Variants in EIF3F observed in about 807,000 individuals in gnomAD.
EIF3F encodes the protein eukaryotic translation initiation factor 3 subunit F, also known as deubiquitinating enzyme eIF3f.
A neutral mutation model predicts 36.0 loss-of-function variants in EIF3F; 8 were observed. That is an observed-to-expected ratio of 0.22 (90% CI 0.13 to 0.40). The LOEUF is 0.40. EIF3F is among the 10% of genes least tolerant of loss of function. EIF3F has a pLI of 1.00. For synonymous variants in EIF3F, 184 were observed against 188.5 expected (o/e 0.98, Z 0.19); for missense variants, 430 against 467.6 (o/e 0.92, Z 0.74).
In EIF3F at chr11:7,993,424, T is replaced by TA. The variant is rs1942121814; in HGVS notation, c.653+401dup. Among the ~76,000 whole-genome samples the TA allele has an allele frequency of 2.0e-5, 3 of 152,314 alleles. No individual in the cohort carries two copies. The South Asian group carries it at 6.2e-4, about 32-fold the overall frequency. On this transcript the variant is annotated intron_variant, in intron 4 of 7. Coordinates refer to ENST00000651655, the MANE Select transcript of EIF3F (RefSeq NM_003754.3). ...GAACTCAGCACAGCGCTCAGGGTAA[T>TA]ACAGATTATAAGGATGACTGTCCTT...
intron 7 of EIF3F, 52 bp downstream of exon 7, chr11:7,995,419 C>A: frequency 1.5e-6 from 2 of 1,379,298 alleles, no homozygotes; most frequent in Non-Finnish European, 2.1e-6. Context: ...CCCACCTCAG[C>A]ACATACACTC....
chr11:7,993,863 A>G (rs999408831), intron 4 of EIF3F, among the ~76,000 whole-genome samples: 1 of 151,716 alleles, frequency 6.6e-6, no homozygotes, highest in Non-Finnish European at 1.5e-5. Flanking sequence ...CAGTATATAC[A>G]ATATATATAT....
rs889992992 is a variant in EIF3F at position 7,998,640 on chromosome 11, G to C, written c.*2618G>C. 2.0e-5 allele frequency: 3 copies of C among 152,138 alleles called. No homozygotes were observed. Among genetic ancestry groups the C allele is most frequent in the African/African-American group, 7.2e-5 (3 of 41,434 alleles). The allele number at this position is 152,138 out of a possible 1,614,324, so 9.4% of individuals were successfully genotyped here. On this transcript the variant is annotated 3_prime_UTR_variant, in exon 8 of 8. Transcript: ENST00000651655. ...ATACTGGAGTTAGAAATAAATTTTAGCAAGAGGTAAATTCACACATACGGA... is the reference window on the plus strand; with the variant it reads ...ATACTGGAGTTAGAAATAAATTTTACCAAGAGGTAAATTCACACATACGGA...
chr11:7,991,694 G>T, intron 1 of EIF3F, 87 bp from the exon 2 acceptor site: 1 of 1,267,700 alleles, frequency 7.9e-7, no homozygotes, highest in South Asian at 1.2e-5. Flanking sequence ...TGACATTGAA[G>T]AGATCATCAA....
At position 7,996,318 on chromosome 11, in the gene EIF3F, A is replaced by T. The variant is rs144934973; in HGVS notation, c.*296A>T. The T allele has an allele frequency of 9.8e-5, 26 of 266,224 alleles. 1 individual carries two copies. Among genetic ancestry groups the T allele is most frequent in the Non-Finnish European group, 1.6e-4 (22 of 140,264 alleles). The allele number at this position is 266,224 out of a possible 1,614,324, so 16.5% of individuals were successfully genotyped here. ...TACCAAACTGTTCTTTTGGTTTTCA[A>T]TATGGAAAGGTGTCCATTGGCAAAA... On this transcript the variant is annotated 3_prime_UTR_variant, in exon 8 of 8. Transcript: ENST00000651655.
At position 7,998,204 on chromosome 11, in the gene EIF3F, T is replaced by C. The variant is rs944257784; in HGVS notation, c.*2182T>C. The C allele has an allele frequency of 6.6e-6, 1 of 152,218 alleles. No individual in the cohort carries two copies. The highest frequency in any genetic ancestry group is 6.5e-5 in the Admixed American group (1 of 15,280). The allele number at this position is 152,218 out of a possible 1,614,324, so 9.4% of individuals were successfully genotyped here. On this transcript the variant is annotated 3_prime_UTR_variant, in exon 8 of 8. Transcript: ENST00000651655. ...CATTATTCCCAAGGGAAATACAGGG[T>C]TGGGTTCCTATGAACCTCTGGGCAC...
chr11:8,001,491 C>T lies in EIF3F; in HGVS notation c.*5469C>T, dbSNP rs545327233. 2.0e-5 allele frequency: 3 copies of T among 152,114 alleles called. No individual in the cohort carries two copies. The highest frequency in any genetic ancestry group is 2.0e-4 in the Admixed American group (3 of 15,270). 9.4% of individuals were successfully genotyped at this position (152,114 alleles called of 1,614,324 possible). On this transcript the variant is annotated 3_prime_UTR_variant, in exon 8 of 8. Transcript: ENST00000651655. ...TGGTAATCAACCCAAATGACTATTACCAGAATAGAAATTAAACAAAGTATG... is the reference window on the plus strand; with the variant it reads ...TGGTAATCAACCCAAATGACTATTATCAGAATAGAAATTAAACAAAGTATG...
Position 7,993,037 on chromosome 11 carries a change from T to G in EIF3F, c.653+13T>G. On this transcript the variant is annotated intron_variant, in intron 4 of 7. Coordinates refer to ENST00000651655, the MANE Select transcript of EIF3F (RefSeq NM_003754.3). ...AAGCCTACGTCAGGTGACCACAGTC[T>G]TGGGCTACAAGGGCATAAAACCATG... 1 of 1,575,746 alleles carries G rather than the reference T, an allele frequency of 6.3e-7. No homozygotes were observed. Among genetic ancestry groups the G allele is most frequent in the Non-Finnish European group, 8.6e-7 (1 of 1,160,886 alleles).
Position 7,987,403 on chromosome 11 carries a change from A to G in EIF3F, c.51A>G (p.Pro17=). The change falls in exon 1 of 8, where the codon CCA becomes CCG. Residue 17 remains proline, a synonymous_variant. Coordinates refer to ENST00000651655, the MANE Select transcript of EIF3F (RefSeq NM_003754.3). ...PVSAPPATPT[P]VPAAAPASVP... is the part of the protein sequence containing the mutation. ...GTGCTCCTCCGGCCACGCCAACCCC[A>G]GTCCCGGCGGCGGCCCCAGCCTCAG... 2.5e-6 allele frequency: 4 copies of G among 1,600,624 alleles called. No individual in the cohort carries two copies. Among genetic ancestry groups the G allele is most frequent in the Non-Finnish European group, 3.4e-6 (4 of 1,179,418 alleles).
chr11:7,993,749 A>G (rs1240928597), intron 4 of EIF3F, among the ~76,000 whole-genome samples: 1 of 152,154 alleles, frequency 6.6e-6, no homozygotes, highest in Non-Finnish European at 1.5e-5. Flanking sequence ...CCAAGTCTTT[A>G]TGAGCCAGTT....
Position 7,987,352 on chromosome 11 carries a change from G to A in EIF3F, c.-1G>A. 1 of 1,592,282 alleles carries A rather than the reference G, an allele frequency of 6.3e-7. No individual in the cohort carries two copies. Among genetic ancestry groups the A allele is most frequent in the Non-Finnish European group, 8.5e-7 (1 of 1,175,894 alleles). ...CTTCCGCCTCCTTCTTTCTCGACAA[G>A]ATGGCCACACCGGCGGTACCAGTAA... On this transcript the variant is annotated 5_prime_UTR_variant, in exon 1 of 8. Coordinates refer to ENST00000651655, the MANE Select transcript of EIF3F (RefSeq NM_003754.3).
Position 7,995,358 on chromosome 11 carries a change from C to G in EIF3F, c.987C>G (p.Ser329Arg). 6.2e-7 allele frequency: 1 copy of G among 1,613,504 alleles called. No individual in the cohort carries two copies. Among genetic ancestry groups the G allele is most frequent in the Non-Finnish European group, 8.5e-7 (1 of 1,179,438 alleles). The change falls in exon 7 of 8, where the codon AGC becomes AGG. Residue 329 changes from serine (S) to arginine (R), a missense_variant. By Grantham distance (110) the Ser-to-Arg change is moderately radical. Around this residue, in one of 2 missense-constraint regions of EIF3F, gnomAD observed 262 missense variants for 347.4 expected, o/e 0.75. Transcript: ENST00000651655. ...VPDDFETMLN[S>R]NINDLLMVTY... ...ATGACTTTGAGACCATGCTCAACAGCAACATCAATGTGAGTGCCCTTCCTG... is the reference window on the plus strand; with the variant it reads ...ATGACTTTGAGACCATGCTCAACAGGAACATCAATGTGAGTGCCCTTCCTG...
At chr11:7,987,925 C>G in intron 1 of EIF3F, 1 of 681,006 alleles carries the variant, frequency 1.5e-6, no homozygotes, top group Non-Finnish European at 2.1e-6. Context: ...TGCCGGATTG[C>G]TGTCACTTTA....
At chr11:7,990,894 A>C (rs1942084136) in intron 1 of EIF3F, among the ~76,000 whole-genome samples, 1 of 148,740 alleles carries the variant, frequency 6.7e-6, no homozygotes, top group Non-Finnish European at 1.5e-5. Context: ...TAAATAAATA[A>C]ATAAATAAAA....
chr11:7,994,871 G>A (rs1209233911), intron 5 of EIF3F, 111 bp from the exon 6 acceptor site: 16 of 1,482,608 alleles, frequency 1.1e-5, no homozygotes, highest in Middle Eastern at 2.5e-4. Flanking sequence ...AGGGGAGTTG[G>A]GAAACAGAGT....
At chr11:7,994,894 A>G (rs764315601) in intron 5 of EIF3F, 88 bp from the exon 6 acceptor site, 126 of 1,559,232 alleles carry the variant, frequency 8.1e-5, no homozygotes, top group Non-Finnish European at 1.0e-4. Flanking sequence ...GTAGGACGTT[A>G]AGACCATCTC....
At chr11:7,988,387 G>T (rs181099575) in intron 1 of EIF3F, among the ~76,000 whole-genome samples, 1 of 152,194 alleles carries the variant, frequency 6.6e-6, no homozygotes, top group Non-Finnish European at 1.5e-5. Context: ...GCATTTGGAC[G>T]CAAACAGTTG....
intron 1 of EIF3F, chr11:7,987,951 A>G (rs999262331): frequency 1.0e-5 from 5 of 490,782 alleles, no homozygotes; most frequent in Non-Finnish European, 1.3e-5. Context: ...CATAAAATAC[A>G]CAAGGAGTAG....
intron 3 of EIF3F, 191 bp from the exon 4 acceptor site, chr11:7,992,696 T>C: frequency 1.4e-6 from 1 of 718,138 alleles, no homozygotes; most frequent in Non-Finnish European, 2.3e-6. Context: ...CTTGGAATTT[T>C]TCATCAGCAC....
Sources: allele counts gnomAD v4.1 joint callset (sites outside exome capture counted in the v4.1 genomes callset), GRCh38; gene constraint gnomAD v4.1.1; regional missense constraint gnomAD v4.1.1; transcripts MANE v1.5; gene names NCBI Gene and HGNC (gene_info 2026-07-23, HGNC 2026-07-21).